EYA4: variants seen among roughly 807,000 people sequenced by gnomAD.
EYA4 encodes the protein protein phosphatase EYA4.
Under a neutral mutation model 87.9 loss-of-function variants are expected in EYA4, and 31 were observed. That is an observed-to-expected ratio of 0.35 (90% confidence interval 0.27 to 0.48). EYA4 has a LOEUF of 0.48. Ranked by LOEUF, EYA4 falls within the 20% of genes least tolerant of loss-of-function variation. The probability of loss-of-function intolerance (pLI) is 0.99; values close to 1 mark genes in which losing one functional copy is unlikely to be tolerated. For synonymous variants in EYA4, 263 were observed against 270.6 expected, an observed-to-expected ratio of 0.97 and a Z score of 0.28; for missense variants, 678 against 761.4, an observed-to-expected ratio of 0.89 and a Z score of 1.29.
intron 2 of EYA4, among the ~76,000 whole-genome samples, chr6:133,341,660 TAA>T (rs35613080): frequency 1.3e-5 from 2 of 150,188 alleles, no homozygotes; most frequent in African/African-American, 4.9e-5. Flanking sequence ...ATAGTTGCAT[TAA>T]AAAAAAAACA....
chr6:133,468,866 C>A, intron 11 of EYA4, 135 bp downstream of exon 11: 1 of 884,164 alleles, frequency 1.1e-6, no homozygotes, highest in Non-Finnish European at 1.8e-6. Context: ...GTTAGCATGA[C>A]TGTGTAAGAC....
intron 3 of EYA4, among the ~76,000 whole-genome samples, chr6:133,443,865 T>G (rs989209809): frequency 1.3e-4 from 20 of 152,172 alleles, no homozygotes; most frequent in African/African-American, 4.8e-4. Flanking sequence ...ATTAATTCAT[T>G]GTGGTCAGAT....
chr6:133,473,874 G>A (rs73544961), intron 11 of EYA4, among the ~76,000 whole-genome samples: 11 of 151,960 alleles, frequency 7.2e-5, no homozygotes, highest in East Asian at 2.0e-4. Context: ...TGCCCTAGGC[G>A]CCTTACTCAT....
intron 1 of EYA4, among the ~76,000 whole-genome samples, chr6:133,262,372 A>G (rs1775868354): frequency 6.6e-6 from 1 of 152,228 alleles, no homozygotes; most frequent in Non-Finnish European, 1.5e-5. Flanking sequence ...ATAATTTCTC[A>G]GTACTGGTAG....
chr6:133,389,268 G>C (rs184562673), intron 3 of EYA4, among the ~76,000 whole-genome samples: 99 of 152,256 alleles, frequency 6.5e-4, no homozygotes, highest in African/African-American at 2.1e-3. Flanking sequence ...TGGAGTGGCT[G>C]CCAAACTCCT....
chr6:133,473,574 T>A (rs1478964209), intron 11 of EYA4, among the ~76,000 whole-genome samples: 1 of 152,082 alleles, frequency 6.6e-6, no homozygotes, highest in African/African-American at 2.4e-5. Context: ...ATATAATCTT[T>A]ACCTGTGGGT....
At chr6:133,516,125 A>G (rs1418566086) in intron 17 of EYA4, among the ~76,000 whole-genome samples, 4 of 152,160 alleles carry the variant, frequency 2.6e-5, no homozygotes, top group Non-Finnish European at 5.9e-5. Context: ...CGCTTCCATT[A>G]TTTTATATCT....
intron 3 of EYA4, among the ~76,000 whole-genome samples, chr6:133,417,801 A>G (rs1244708483): frequency 6.6e-6 from 1 of 152,214 alleles, no homozygotes; most frequent in Non-Finnish European, 1.5e-5. Flanking sequence ...ATGTTTGCCT[A>G]AAGTCATAAA....
chr6:133,242,426 C>A (rs1030214768), intron 1 of EYA4, among the ~76,000 whole-genome samples: 1 of 152,144 alleles, frequency 6.6e-6, no homozygotes, highest in Non-Finnish European at 1.5e-5. Context: ...TCAGAGCAGT[C>A]GCGTTCATTG....
intron 3 of EYA4, among the ~76,000 whole-genome samples, chr6:133,389,069 C>G (rs1787029664): frequency 6.6e-6 from 1 of 152,122 alleles, no homozygotes. Flanking sequence ...CCCACCTTTG[C>G]TTACCTACAT....
Position 133,530,198 on chromosome 6 carries a change from C to T in EYA4, c.*1393C>T. 2 of 985,390 alleles carry T rather than the reference C, an allele frequency of 2.0e-6. No homozygotes were observed. The highest frequency in any genetic ancestry group is 2.4e-6 in the Non-Finnish European group (2 of 829,914). The allele number at this position is 985,390 out of a possible 1,614,324, so 61.0% of individuals were successfully genotyped here. On this transcript the variant is annotated 3_prime_UTR_variant, in exon 20 of 20. Coordinates refer to ENST00000355286, the MANE Select transcript of EYA4 (RefSeq NM_004100.5). ...TGAAATGACAACAGTAAAATAATAC[C>T]TGGTTCTCCATCTGAATACATCAAT... is the stretch of plus-strand genomic sequence containing the variant.
intron 3 of EYA4, among the ~76,000 whole-genome samples, chr6:133,444,508 G>A (rs1441301951): frequency 1.3e-5 from 2 of 152,174 alleles, no homozygotes; most frequent in Non-Finnish European, 2.9e-5. Flanking sequence ...CTTTTGAGGG[G>A]CATGAAGGAA....
intron 17 of EYA4, among the ~76,000 whole-genome samples, chr6:133,519,425 C>G (rs910062318): frequency 1.4e-4 from 21 of 150,286 alleles, no homozygotes; most frequent in Non-Finnish European, 3.0e-5. Context: ...GACACATACA[C>G]TCTCCCAAGA....
intron 1 of EYA4, among the ~76,000 whole-genome samples, 163 bp downstream of exon 1, chr6:133,241,912 C>T (rs1773973926): frequency 6.6e-6 from 1 of 152,120 alleles, no homozygotes; most frequent in South Asian, 2.1e-4. Context: ...CCTGCGTCCC[C>T]GGGGGGCGCT....
intron 2 of EYA4, among the ~76,000 whole-genome samples, chr6:133,367,664 G>T (rs1454124705): frequency 1.3e-5 from 2 of 152,072 alleles, no homozygotes; most frequent in African/African-American, 4.8e-5. Flanking sequence ...GGAGGTCAGG[G>T]TGCCATTTTC....
chr6:133,391,911 A>G (rs1389600013), intron 3 of EYA4, among the ~76,000 whole-genome samples: 3 of 152,194 alleles, frequency 2.0e-5, no homozygotes, highest in Non-Finnish European at 4.4e-5. Context: ...ATAAACTAGC[A>G]TATATCAAGG....
intron 3 of EYA4, among the ~76,000 whole-genome samples, chr6:133,418,812 A>G (rs1028904939): frequency 6.6e-6 from 1 of 151,958 alleles, no homozygotes; most frequent in Non-Finnish European, 1.5e-5. Context: ...AGAATACTGT[A>G]TATTTCTTTT....
intron 13 of EYA4, among the ~76,000 whole-genome samples, chr6:133,493,107 A>G (rs923929416): frequency 6.6e-6 from 1 of 152,220 alleles, no homozygotes; most frequent in African/African-American, 2.4e-5. Flanking sequence ...CCTAAAATTT[A>G]TATGGAAACA....
In EYA4 at chr6:133,512,862, A is replaced by T; in HGVS notation, c.1341-16A>T. Reference sequence around the variant, plus strand: ...ACATGTAATTATTTCTTTTTAATGTATTTTGGGTGTTACAGTACCTACAGT... The same window carrying T: ...ACATGTAATTATTTCTTTTTAATGTTTTTTGGGTGTTACAGTACCTACAGT... On this transcript the variant is annotated splice_polypyrimidine_tract_variant and intron_variant, in intron 15 of 19. Transcript: ENST00000355286. 3.1e-6 allele frequency: 5 copies of T among 1,613,922 alleles called. No homozygotes were observed. Among genetic ancestry groups the T allele is most frequent in the Non-Finnish European group, 4.2e-6 (5 of 1,179,830 alleles).
Sources: gnomAD v4.1 joint callset for allele counts (sites outside exome capture counted in the v4.1 genomes callset) on GRCh38, gnomAD v4.1.1 for gene constraint, MANE v1.5 for transcripts, NCBI Gene and HGNC (gene_info 2026-07-23, HGNC 2026-07-21) for gene names.